The following CD82 variants were observed in gnomAD, a reference collection of about 807,000 sequenced individuals.
The protein encoded by CD82 is CD82 antigen.
Under a neutral mutation model 37.4 loss-of-function variants are expected in CD82, and 36 were observed. That is an observed-to-expected ratio of 0.96 (90% CI 0.74 to 1.27). CD82 has a LOEUF of 1.27. CD82 is among the 50% of genes most tolerant of loss of function. The pLI is 0.00. For synonymous variants in CD82, 158 were observed against 137.4 expected (o/e 1.15, Z -1.05); for missense variants, 340 against 347.0 (o/e 0.98, Z 0.16).
At chr11:44,595,503 TA>T (rs34679456) in intron 3 of CD82, among the ~76,000 whole-genome samples, 24 of 151,456 alleles carry the variant, frequency 1.6e-4, no homozygotes, top group African/African-American at 4.1e-4. Context: ...CCTATAGTGT[TA>T]AAAAAAAATC....
In CD82 at chr11:44,604,872, G is replaced by C. The variant is rs1853364919; in HGVS notation, c.137-186G>C. 8 of 710,288 alleles carry C rather than the reference G, an allele frequency of 1.1e-5. No individual in the cohort carries two copies. In the East Asian group the frequency reaches 2.1e-4, roughly 19 times the overall value. 44.0% of individuals were successfully genotyped at this position (710,288 alleles called of 1,614,324 possible). A position where few individuals can be genotyped will look rare whatever the true frequency, so the allele number is the denominator to read the frequency against. On this transcript the variant is annotated intron_variant, in intron 4 of 9. Transcript: ENST00000227155. ...GAGGGTGTGGATTGCAATTTTACTG[G>C]GGGAGGGACACAAGTGGGGATGGGG...
At chr11:44,619,025 C>T (rs753330502) in intron 9 of CD82, 24 bp from the exon 10 acceptor site, 2 of 1,609,962 alleles carry the variant, frequency 1.2e-6, no homozygotes, top group East Asian at 4.5e-5. Flanking sequence ...CAGCCTCCCT[C>T]TGACTCTCCG....
chr11:44,590,542 C>T (rs1311290559), intron 2 of CD82, among the ~76,000 whole-genome samples: 4 of 124,742 alleles, frequency 3.2e-5, no homozygotes, highest in South Asian at 2.7e-4. Context: ...ACCCAGGAGG[C>T]GGAGCTTGCA....
At chr11:44,603,114 A>C (rs999941410) in intron 4 of CD82, among the ~76,000 whole-genome samples, 1 of 152,158 alleles carries the variant, frequency 6.6e-6, no homozygotes, top group African/African-American at 2.4e-5. Flanking sequence ...CAACCCAGGA[A>C]GTTTAGGAAA....
At chr11:44,568,583 G>A (rs2134609512) in intron 1 of CD82, among the ~76,000 whole-genome samples, 1 of 152,294 alleles carries the variant, frequency 6.6e-6, no homozygotes, top group Middle Eastern at 3.4e-3. Context: ...GCCCAGGGAG[G>A]ATAGGGGTGA....
chr11:44,603,355 T>A (rs1853335639), intron 4 of CD82, among the ~76,000 whole-genome samples: 1 of 152,124 alleles, frequency 6.6e-6, no homozygotes, highest in African/African-American at 2.4e-5. Context: ...TGATAGTTAT[T>A]CTGTAAGGGC....
In CD82 at chr11:44,593,357, C is replaced by G. The variant is rs560468519; in HGVS notation, c.-20-1286C>G. Reference sequence around the variant, plus strand: ...GGCCTGGTGCCGTCCCCTCCACCCCCCCAGCCCAGCTCTGCCCATGCAGCT... The same window carrying G: ...GGCCTGGTGCCGTCCCCTCCACCCCGCCAGCCCAGCTCTGCCCATGCAGCT... On this transcript the variant is annotated intron_variant, in intron 2 of 9. Transcript: ENST00000227155. 2.3e-3 allele frequency among the ~76,000 whole-genome samples: 351 copies of G among 152,366 alleles called. 2 individuals carry two copies. Among genetic ancestry groups the G allele is most frequent in the African/African-American group, 8.0e-3 (331 of 41,588 alleles).
At chr11:44,598,198 G>A (rs1181364695) in intron 3 of CD82, among the ~76,000 whole-genome samples, 1 of 152,072 alleles carries the variant, frequency 6.6e-6, no homozygotes, top group Non-Finnish European at 1.5e-5. Context: ...GGGGGCAGAC[G>A]TGGGGTGGTC....
chr11:44,605,317 G>A, intron 5 of CD82, 38 bp from the exon 6 acceptor site: 1 of 1,612,838 alleles, frequency 6.2e-7, no homozygotes, highest in East Asian at 2.2e-5. Context: ...CCTGGTCGGG[G>A]ACCCTCAGCT....
intron 1 of CD82, among the ~76,000 whole-genome samples, chr11:44,571,042 C>T (rs1852807232): frequency 2.0e-5 from 3 of 152,334 alleles, no homozygotes; most frequent in African/African-American, 7.2e-5. Context: ...CGCAACTTGA[C>T]TTTCCCTGCT....
At chr11:44,583,981 C>T (rs2099140) in intron 1 of CD82, among the ~76,000 whole-genome samples, 12,727 of 152,216 alleles carry the variant, frequency 0.084, 550 homozygotes, top group Middle Eastern at 0.15. Context: ...CTAAGACAAA[C>T]AGGGAGGCAC....
chr11:44,588,222 T>TG (rs1251960601), intron 2 of CD82, among the ~76,000 whole-genome samples: 14 of 60,056 alleles, frequency 2.3e-4, no homozygotes, highest in African/African-American at 8.0e-4. Flanking sequence ...TTTTTTTTGT[T>TG]TTTTGTTTTT....
chr11:44,599,110 G>A (rs1247068154), intron 3 of CD82, among the ~76,000 whole-genome samples: 1 of 152,234 alleles, frequency 6.6e-6, no homozygotes, highest in Non-Finnish European at 1.5e-5. Flanking sequence ...GGGAATCCCT[G>A]GGCTTGGGAT....
rs780823917 is a variant in CD82, at chr11:44,618,699, G to T, written c.702G>T (p.Val234=). Residue 234 remains valine (V), a synonymous_variant, in exon 9 of 10, where the codon GTG becomes GTT. Coordinates refer to ENST00000227155, the MANE Select transcript of CD82 (RefSeq NM_002231.4). ...LQENLGIILG[V]GVGVAIIELL... is the part of the protein sequence containing the mutation. ...AGAACCTGGGCATCATCCTCGGCGT[G>T]GGCGTGGGTGTGGCCATCATCGAGG... The T allele has an allele frequency of 1.1e-5, 17 of 1,613,336 alleles. No homozygotes were observed. The highest frequency in any genetic ancestry group is 1.4e-5 in the Non-Finnish European group (17 of 1,179,740).
At chr11:44,582,922 C>T (rs1853001628) in intron 1 of CD82, among the ~76,000 whole-genome samples, 1 of 152,226 alleles carries the variant, frequency 6.6e-6, no homozygotes, top group South Asian at 2.1e-4. Flanking sequence ...TATCATGATG[C>T]CAAACAGGCT....
intron 3 of CD82, among the ~76,000 whole-genome samples, chr11:44,599,159 G>A (rs893176947): frequency 2.6e-5 from 4 of 152,028 alleles, no homozygotes; most frequent in South Asian, 4.1e-4. Flanking sequence ...TCCTTTTTGT[G>A]GGGGGCAGAG....
At chr11:44,572,279 C>T (rs534741673) in intron 1 of CD82, among the ~76,000 whole-genome samples, 2 of 152,164 alleles carry the variant, frequency 1.3e-5, no homozygotes, top group African/African-American at 2.4e-5. Context: ...GTAACGTACC[C>T]GTTACGAAAT....
In CD82 at chr11:44,598,719, G is replaced by A. The variant is rs542091281; in HGVS notation, c.64-1439G>A. Among the ~76,000 whole-genome samples, 34 of 152,216 alleles carry A rather than the reference G, an allele frequency of 2.2e-4. 1 individual carries two copies. In the South Asian group the frequency reaches 6.2e-3, roughly 28 times the overall value. ...AGGCAGGTGCCTCGTGCCTTGGGCC[G>A]GTCCTGGCTCTGGTCTTTGATAATG... is the stretch of plus-strand genomic sequence containing the variant. On this transcript the variant is annotated intron_variant, in intron 3 of 9. Coordinates refer to ENST00000227155, the MANE Select transcript of CD82 (RefSeq NM_002231.4).
chr11:44,585,305 T>C (rs2134639014), intron 1 of CD82: 1 of 456,336 alleles, frequency 2.2e-6, no homozygotes, highest in East Asian at 6.9e-5. Context: ...TGGTAACATT[T>C]ATCTGACATT....
Sources: gnomAD v4.1 joint callset for allele counts (sites outside exome capture counted in the v4.1 genomes callset) on GRCh38, gnomAD v4.1.1 for gene constraint, MANE v1.5 for transcripts, NCBI Gene and HGNC (gene_info 2026-07-23, HGNC 2026-07-21) for gene names.